PTPN18: variants seen among roughly 807,000 people sequenced by gnomAD.
The protein encoded by PTPN18 is protein tyrosine phosphatase non-receptor type 18.
A neutral mutation model predicts 65.4 loss-of-function variants in PTPN18; 65 were observed. The ratio of observed to expected loss-of-function variants is 0.99; its 90% confidence interval spans 0.81 to 1.22. The LOEUF is 1.22. Among genes scored for constraint, PTPN18 ranks in the 50% most tolerant of loss-of-function variants. The pLI is 0.00. For missense variants in PTPN18, 616 were observed against 646.5 expected, an observed-to-expected ratio of 0.95 and a Z score of 0.51; for synonymous variants, 255 against 267.8, an observed-to-expected ratio of 0.95 and a Z score of 0.47.
intron 5 of PTPN18, among the ~76,000 whole-genome samples, chr2:130,362,661 T>C (rs1002954728): frequency 6.6e-6 from 1 of 152,192 alleles, no homozygotes; most frequent in African/African-American, 2.4e-5. Flanking sequence ...GTTCTATATA[T>C]AAAATATACT....
chr2:130,359,769 G>T, intron 5 of PTPN18, 123 bp downstream of exon 5: 1 of 1,186,908 alleles, frequency 8.4e-7, no homozygotes, highest in South Asian at 1.3e-5. Context: ...TTGTAGCTCT[G>T]TGGGAAGCCC....
At chr2:130,369,741 A>G (rs1680492767) in intron 6 of PTPN18, 24 bp from the exon 7 acceptor site, 2 of 1,547,324 alleles carry the variant, frequency 1.3e-6, no homozygotes, top group Non-Finnish European at 1.8e-6. Flanking sequence ...CCCTCTTCTT[A>G]CTTGCCCCAC....
intron 5 of PTPN18, among the ~76,000 whole-genome samples, chr2:130,360,117 G>A (rs2104928003): frequency 6.6e-6 from 1 of 152,268 alleles, no homozygotes; most frequent in South Asian, 2.1e-4. Flanking sequence ...ACCTTCCGGG[G>A]TGGGTCTTCA....
intron 5 of PTPN18, chr2:130,362,225 C>T (rs1241870538): frequency 2.2e-6 from 1 of 463,996 alleles, no homozygotes; most frequent in East Asian, 7.0e-5. Flanking sequence ...CCACCTCGGC[C>T]TCCCAAAGTG....
intron 5 of PTPN18, among the ~76,000 whole-genome samples, chr2:130,361,023 T>G (rs935881292): frequency 3.3e-5 from 5 of 152,196 alleles, no homozygotes; most frequent in Non-Finnish European, 7.3e-5. Flanking sequence ...TAATTTCAAG[T>G]GTACTTGAAA....
At position 130,372,367 on chromosome 2, in the gene PTPN18, G is replaced by A. The variant is rs1390171905; in HGVS notation, c.1124G>A (p.Gly375Glu). 2 of 1,363,978 alleles carry A rather than the reference G, an allele frequency of 1.5e-6. No individual in the cohort carries two copies. The highest frequency in any genetic ancestry group is 3.0e-5 in the East Asian group (1 of 32,854). 84.5% of individuals were successfully genotyped at this position (1,363,978 alleles called of 1,614,324 possible). ...GAGSGTQTGTGTGTGARSAEE... is the reference protein window; with the variant it reads ...GAGSGTQTGTETGTGARSAEE... ...GGGAGTGGGACGCAGACGGGGACGG[G>A]GACGGGGACGGGGGCGCGCAGCGCG... Residue 375 changes from glycine (G) to glutamate (E), a missense_variant, in exon 13 of 15, where the codon GGG becomes GAG. Gly to Glu is a moderately conservative substitution (Grantham distance 98). Around this residue, in one of 3 missense-constraint regions of PTPN18, gnomAD observed 368 missense variants for 386.7 expected, o/e 0.95. Transcript: ENST00000175756.
intron 2 of PTPN18, 46 bp from the exon 3 acceptor site, chr2:130,359,187 C>G (rs538710850): frequency 6.2e-7 from 1 of 1,608,240 alleles, no homozygotes; most frequent in East Asian, 2.2e-5. Flanking sequence ...GGCTCCGTCA[C>G]CCTATCCTAC....
At chr2:130,371,105 A>G in intron 11 of PTPN18, 94 bp from the exon 12 acceptor site, 1 of 1,390,944 alleles carries the variant, frequency 7.2e-7, no homozygotes. Flanking sequence ...AGGCATCCTT[A>G]TCAGGCTCTC....
chr2:130,370,497 C>A, intron 8 of PTPN18, 60 bp from the exon 9 acceptor site: 1 of 1,590,672 alleles, frequency 6.3e-7, no homozygotes, highest in South Asian at 1.1e-5. Context: ...TCCCCAAATG[C>A]CCCATCTAAA....
chr2:130,369,638 G>C, intron 6 of PTPN18, 127 bp from the exon 7 acceptor site: 1 of 1,040,598 alleles, frequency 9.6e-7, no homozygotes, highest in Admixed American at 3.0e-5. Flanking sequence ...TGGGCTATAT[G>C]AATTTTTAAA....
Position 130,373,284 on chromosome 2 carries a change from C to A in PTPN18, c.*60C>A. 1 of 1,443,788 alleles carries A rather than the reference C, an allele frequency of 6.9e-7. No individual in the cohort carries two copies. The highest frequency in any genetic ancestry group is 9.3e-7 in the Non-Finnish European group (1 of 1,076,286). The allele number at this position is 1,443,788 out of a possible 1,614,324, so 89.4% of individuals were successfully genotyped here. ...AGCTCGGACTGCTGATGCCCCGGTG[C>A]TGCTGAGCGCCGTGCGCAGAATGGA... On this transcript the variant is annotated 3_prime_UTR_variant, in exon 15 of 15. Transcript: ENST00000175756. The surrounding 1 kb of genome is among the most constrained non-coding windows in gnomAD (Gnocchi z 4.1).
Position 130,368,616 on chromosome 2 carries a change from A to G in PTPN18, c.415-517A>G, listed in dbSNP as rs554286061. Among the ~76,000 whole-genome samples, 3 of 152,332 alleles carry G rather than the reference A, an allele frequency of 2.0e-5. No individual in the cohort carries two copies. The East Asian group carries it at 5.8e-4, about 29-fold the overall frequency. ...TTGTATATATTCAGATTATTCAACC[A>G]AAGAATCAAGGAGGGGACTTCTATG... On this transcript the variant is annotated intron_variant, in intron 5 of 14. Coordinates refer to ENST00000175756, the MANE Select transcript of PTPN18 (RefSeq NM_014369.4).
chr2:130,370,695 T>C lies in PTPN18; in HGVS notation c.757-10T>C, dbSNP rs374992944. 20 of 1,614,070 alleles carry C rather than the reference T, an allele frequency of 1.2e-5. No homozygotes were observed. Among genetic ancestry groups the C allele is most frequent in the African/African-American group, 2.7e-5 (2 of 74,942 alleles). On this transcript the variant is annotated splice_polypyrimidine_tract_variant and intron_variant, in intron 9 of 14. Transcript: ENST00000175756. ...GTGTCCTGCTCAAGTGCCTTGTCTG[T>C]CTGCCCCAGATGATCCCACCTGACT... is the stretch of plus-strand genomic sequence containing the variant.
At chr2:130,363,990 G>T (rs1680309061) in intron 5 of PTPN18, among the ~76,000 whole-genome samples, 1 of 151,212 alleles carries the variant, frequency 6.6e-6, no homozygotes, top group African/African-American at 2.4e-5. Flanking sequence ...TTGTGAAGTG[G>T]TATGCCATTG....
In PTPN18 at chr2:130,363,974, TA is replaced by T. The variant is rs548924010; in HGVS notation, c.414+4329del. Among the ~76,000 whole-genome samples the T allele has an allele frequency of 2.6e-5, 4 of 151,976 alleles. No homozygotes were observed. In the South Asian group the frequency reaches 6.2e-4, roughly 24 times the overall value. ...TTTTTTTTTTTAATTATAGCCATCC[TA>T]GGGGTTGTGAAGTGGTATGCCATTG... On this transcript the variant is annotated intron_variant, in intron 5 of 14. Transcript: ENST00000175756.
chr2:130,370,118 A>G lies in PTPN18; in HGVS notation c.617A>G (p.His206Arg). The stretch of plus-strand genomic sequence containing the variant: ...CGTGGGGTCCCCAGCAGTCCTGACC[A>G]CATGCTCGCCATGGTGGAGGAAGCC... ...PDRGVPSSPDHMLAMVEEARR... is the reference protein window; with the variant it reads ...PDRGVPSSPDRMLAMVEEARR... The change falls in exon 8 of 15, where the codon CAC becomes CGC. Residue 206 changes from histidine (H) to arginine (R), a missense_variant. Coordinates refer to ENST00000175756, the MANE Select transcript of PTPN18 (RefSeq NM_014369.4). 3 of 1,614,110 alleles carry G rather than the reference A, an allele frequency of 1.9e-6. No homozygotes were observed. The highest frequency in any genetic ancestry group is 2.5e-6 in the Non-Finnish European group (3 of 1,180,024).
chr2:130,362,185 G>C (rs186192876), intron 5 of PTPN18: 2 of 468,806 alleles, frequency 4.3e-6, no homozygotes, highest in African/African-American at 4.0e-5. Context: ...ATCCAGGCTG[G>C]TCTCGAACTC....
intron 5 of PTPN18, among the ~76,000 whole-genome samples, chr2:130,367,457 T>A (rs1680421635): frequency 6.6e-6 from 1 of 152,066 alleles, no homozygotes; most frequent in Non-Finnish European, 1.5e-5. Flanking sequence ...GTGTATCACT[T>A]GAGGTCAGGA....
intron 1 of PTPN18, chr2:130,356,548 A>G: frequency 2.0e-6 from 1 of 498,198 alleles, no homozygotes; most frequent in Non-Finnish European, 4.1e-6. Flanking sequence ...GCTGCGCTGG[A>G]CAGCCCCGGC....
Sources: gnomAD v4.1 joint callset for allele counts (sites outside exome capture counted in the v4.1 genomes callset) on GRCh38, gnomAD v4.1.1 for gene constraint, gnomAD v4.1.1 regional missense constraint, Gnocchi (gnomAD v3.1) non-coding constraint, MANE v1.5 for transcripts, NCBI Gene and HGNC (gene_info 2026-07-23, HGNC 2026-07-21) for gene names.